The following YWHAE variants were observed in gnomAD, a reference collection of about 807,000 sequenced individuals.
The protein encoded by YWHAE is 14-3-3 protein epsilon.
A neutral mutation model predicts 30.1 loss-of-function variants in YWHAE; 4 were observed. That is an observed-to-expected ratio of 0.13 (90% CI 0.07 to 0.30). The LOEUF (loss-of-function observed/expected upper bound fraction) is 0.30. YWHAE is among the 10% of genes least tolerant of loss of function. The pLI is 1.00. For synonymous variants in YWHAE, 118 were observed against 111.8 expected, an observed-to-expected ratio of 1.06 and a Z score of -0.35; for missense variants, 121 against 315.9, an observed-to-expected ratio of 0.38 and a Z score of 4.68.
chr17:1,383,253 G>A (rs898486830), intron 1 of YWHAE, among the ~76,000 whole-genome samples: 12 of 152,058 alleles, frequency 7.9e-5, no homozygotes, highest in African/African-American at 2.7e-4. Context: ...TGGGGGCTGA[G>A]GCAGGAGAAT....
At chr17:1,357,736 G>A (rs2072777902) in intron 4 of YWHAE, among the ~76,000 whole-genome samples, 1 of 151,828 alleles carries the variant, frequency 6.6e-6, no homozygotes, top group African/African-American at 2.4e-5. Context: ...GACCAGCCTG[G>A]CCAACACTGT....
intron 4 of YWHAE, among the ~76,000 whole-genome samples, chr17:1,355,719 G>A (rs910442371): frequency 3.3e-5 from 5 of 152,070 alleles, no homozygotes; most frequent in African/African-American, 7.2e-5. Context: ...AGAAATGGAG[G>A]GTAGACAAAT....
chr17:1,394,445 A>AAAAAAAAAAAAAAAAAAAAAAAAC (rs1567987797), intron 1 of YWHAE, among the ~76,000 whole-genome samples: 4 of 142,582 alleles, frequency 2.8e-5, no homozygotes, highest in African/African-American at 1.2e-4. Flanking sequence ...ACAAAAAAAA[A>AAAAAAAAAAAAAAAAAAAAAAAAC]AAAAAAAAAA....
chr17:1,349,723 C>T (rs1182221299), intron 5 of YWHAE, among the ~76,000 whole-genome samples: 1 of 151,904 alleles, frequency 6.6e-6, no homozygotes, highest in Non-Finnish European at 1.5e-5. Context: ...CCCCATTCTC[C>T]TGCCTCAGCC....
Position 1,354,196 on chromosome 17 carries a change from T to C in YWHAE, c.715+15A>G, listed in dbSNP as rs2072689148. ...CAACTGAAAGAGGTGCCTGTTTCACTCCGTGCTTGCTTACCGTCACCCTGC... is the reference window on the plus strand; with the variant it reads ...CAACTGAAAGAGGTGCCTGTTTCACCCCGTGCTTGCTTACCGTCACCCTGC... On this transcript the variant is annotated intron_variant, in intron 5 of 5. Coordinates refer to ENST00000264335, the MANE Select transcript of YWHAE (RefSeq NM_006761.5). The C allele has an allele frequency of 9.3e-6, 15 of 1,610,424 alleles. No homozygotes were observed. Among genetic ancestry groups the C allele is most frequent in the Non-Finnish European group, 1.3e-5 (15 of 1,178,792 alleles).
At chr17:1,347,379 A>G (rs1323941485) in intron 5 of YWHAE, among the ~76,000 whole-genome samples, 2 of 151,244 alleles carry the variant, frequency 1.3e-5, no homozygotes, top group African/African-American at 4.9e-5. Flanking sequence ...ACATGTCTAT[A>G]GTCCCAGCTA....
chr17:1,393,892 A>C (rs2073425210), intron 1 of YWHAE, among the ~76,000 whole-genome samples: 1 of 152,174 alleles, frequency 6.6e-6, no homozygotes, highest in Admixed American at 6.6e-5. Context: ...ATGGGATTTT[A>C]TCTCTGAAAA....
chr17:1,390,821 A>T (rs2073378652), intron 1 of YWHAE, among the ~76,000 whole-genome samples: 1 of 152,230 alleles, frequency 6.6e-6, no homozygotes, highest in Non-Finnish European at 1.5e-5. Flanking sequence ...AGATCCGTCC[A>T]GCTACTATGG....
chr17:1,392,981 T>C (rs937255982), intron 1 of YWHAE, among the ~76,000 whole-genome samples: 20 of 151,830 alleles, frequency 1.3e-4, no homozygotes, highest in South Asian at 6.2e-4. Context: ...GTCTGACAGA[T>C]TGCTTGAGTC....
At chr17:1,388,636 T>C (rs752004996) in intron 1 of YWHAE, among the ~76,000 whole-genome samples, 2 of 148,132 alleles carry the variant, frequency 1.4e-5, no homozygotes, top group Non-Finnish European at 3.0e-5. Context: ...GGTCTCAAAC[T>C]CCTGGCCTCA....
At chr17:1,355,960 A>C (rs1044529148) in intron 4 of YWHAE, among the ~76,000 whole-genome samples, 6 of 152,044 alleles carry the variant, frequency 3.9e-5, no homozygotes, top group Admixed American at 6.6e-5. Context: ...CGTGGTTAGG[A>C]GATCGAGACC....
At chr17:1,394,656 T>C (rs1025424992) in intron 1 of YWHAE, among the ~76,000 whole-genome samples, 3 of 151,644 alleles carry the variant, frequency 2.0e-5, no homozygotes, top group African/African-American at 7.3e-5. Context: ...ATACACCTAA[T>C]ATGTGCCCAT....
chr17:1,369,488 C>T (rs1026884599), intron 1 of YWHAE, among the ~76,000 whole-genome samples: 23 of 152,172 alleles, frequency 1.5e-4, no homozygotes, highest in African/African-American at 4.6e-4. Context: ...AGAGAGACTC[C>T]GTCTCCAAAA....
intron 1 of YWHAE, among the ~76,000 whole-genome samples, chr17:1,392,111 G>A (rs1308174665): frequency 2.0e-5 from 3 of 152,114 alleles, no homozygotes; most frequent in African/African-American, 7.2e-5. Context: ...GAGGTGCCCA[G>A]GGGGTCAAAG....
intron 5 of YWHAE, among the ~76,000 whole-genome samples, chr17:1,349,958 A>AT (rs35252983): frequency 0.31 from 44,621 of 145,376 alleles, 7,971 homozygotes; most frequent in African/African-American, 0.5. Flanking sequence ...ATTACCCTGT[A>AT]TTTTTTTTTT....
chr17:1,368,956 A>C (rs1189348729), intron 1 of YWHAE, among the ~76,000 whole-genome samples: 1 of 152,222 alleles, frequency 6.6e-6, no homozygotes, highest in African/African-American at 2.4e-5. Context: ...CTTATGATTT[A>C]ATTTTGTTCA....
chr17:1,356,171 A>AACACACAC (rs71148473), intron 4 of YWHAE, among the ~76,000 whole-genome samples: 8,489 of 142,832 alleles, frequency 0.059, 349 homozygotes, highest in Non-Finnish European at 0.088. Context: ...TCCGTCTAAA[A>AACACACAC]ACACACACAC....
At chr17:1,394,756 C>T (rs1454631971) in intron 1 of YWHAE, among the ~76,000 whole-genome samples, 1 of 151,912 alleles carries the variant, frequency 6.6e-6, no homozygotes, top group African/African-American at 2.4e-5. Flanking sequence ...CACCTGAGGT[C>T]AGGAGTCAGA....
At chr17:1,346,441 C>G (rs1253833612) in intron 5 of YWHAE, among the ~76,000 whole-genome samples, 1 of 152,162 alleles carries the variant, frequency 6.6e-6, no homozygotes, top group African/African-American at 2.4e-5. Flanking sequence ...AAATGACTAT[C>G]CATTCATAAT....
Sources: gnomAD v4.1 joint callset for allele counts (sites outside exome capture counted in the v4.1 genomes callset) on GRCh38, gnomAD v4.1.1 for gene constraint, MANE v1.5 for transcripts, NCBI Gene and HGNC (gene_info 2026-07-23, HGNC 2026-07-21) for gene names.